Variants in ZEB2 observed in about 807,000 individuals in gnomAD.
ZEB2 encodes the protein zinc finger E-box-binding homeobox 2.
A neutral mutation model predicts 99.9 loss-of-function variants in ZEB2; 6 were observed. The ratio of observed to expected loss-of-function variants is 0.06; its 90% CI spans 0.03 to 0.12. The LOEUF is 0.12. Among genes scored for constraint, ZEB2 ranks in the 10% least tolerant of loss-of-function variants. The pLI, the probability that ZEB2 is intolerant of heterozygous loss-of-function variation, is 1.00. For synonymous variants in ZEB2, 517 were observed against 542.5 expected, an observed-to-expected ratio of 0.95 and a Z score of 0.65; for missense variants, 969 against 1,502.8, an observed-to-expected ratio of 0.64 and a Z score of 5.87.
chr2:144,466,305 T>C (rs13396535), intron 2 of ZEB2, among the ~76,000 whole-genome samples: 26,025 of 152,162 alleles, frequency 0.17, 2,424 homozygotes, highest in Admixed American at 0.27. Flanking sequence ...TCAGAGTTTC[T>C]TTTTGTTGAG....
chr2:144,473,866 T>C (rs1704394092), intron 2 of ZEB2, among the ~76,000 whole-genome samples: 1 of 152,168 alleles, frequency 6.6e-6, no homozygotes, highest in African/African-American at 2.4e-5. Context: ...GCAAGGACAT[T>C]TTCTTTAAAA....
At position 144,399,521 on chromosome 2, in the gene ZEB2, T is replaced by G; in HGVS notation, c.1666A>C (p.Lys556Gln). The G allele has an allele frequency of 6.2e-7, 1 of 1,614,210 alleles. No individual in the cohort carries two copies. Among genetic ancestry groups the G allele is most frequent in the Non-Finnish European group, 8.5e-7 (1 of 1,180,040 alleles). Residue 556 changes from lysine (K) to glutamine (Q), a missense_variant, in exon 8 of 10, where the codon AAA becomes CAA. Physicochemically the swap from Lys to Gln is moderately conservative, Grantham distance 53 (BLOSUM62 1). Around this residue, in one of 8 missense-constraint regions of ZEB2, gnomAD observed 227 missense variants for 278.2 expected, o/e 0.82. Transcript: ENST00000627532. This position sits in a 1 kb window ranked among gnomAD's most constrained non-coding sequence, Gnocchi z 5.6. The stretch of plus-strand genomic sequence containing the variant: ...TCTATTAAAGTACGTAGCTTCTCTT[T>G]CTTTATATTACTGATCTGTCTCCTT... ...DSRRQISNIKKEKLRTLIDLV... is the reference protein window; with the variant it reads ...DSRRQISNIKQEKLRTLIDLV...
At chr2:144,484,974 C>T (rs944021569) in intron 2 of ZEB2, among the ~76,000 whole-genome samples, 2 of 152,180 alleles carry the variant, frequency 1.3e-5, no homozygotes, top group Non-Finnish European at 2.9e-5. Flanking sequence ...TCCTGGGTCC[C>T]TTCACTCTTG....
intron 2 of ZEB2, among the ~76,000 whole-genome samples, chr2:144,457,044 T>A (rs1283693184): frequency 6.6e-6 from 1 of 152,134 alleles, no homozygotes; most frequent in Admixed American, 6.6e-5. Context: ...GCAAGATAAA[T>A]GCATATAGAA....
intron 2 of ZEB2, among the ~76,000 whole-genome samples, chr2:144,440,396 C>A (rs1328157648): frequency 1.3e-5 from 2 of 151,282 alleles, no homozygotes; most frequent in East Asian, 3.9e-4. Flanking sequence ...TTTAGGCCTG[C>A]TCTATACATT....
Position 144,389,616 on chromosome 2 carries a change from G to C in ZEB2, c.3480C>G (p.Phe1160Leu), listed in dbSNP as rs1280059432. 2 of 1,613,552 alleles carry C rather than the reference G, an allele frequency of 1.2e-6. No individual in the cohort carries two copies. Among genetic ancestry groups the C allele is most frequent in the Admixed American group, 1.7e-5 (1 of 59,930 alleles). The change falls in exon 10 of 10, where the codon TTC (phenylalanine) becomes TTG (leucine). Residue 1160 changes from phenylalanine (F) to leucine (L), a missense_variant. By Grantham distance (22) the Phe-to-Leu change is conservative. Coordinates refer to ENST00000627532, the MANE Select transcript of ZEB2 (RefSeq NM_014795.4). This position sits in a 1 kb window ranked among gnomAD's most constrained non-coding sequence, Gnocchi z 6.8. ...KLGRQDGDEE[F>L]EEEEEESENK... Reference sequence around the variant, plus strand: ...TTTCACTTTCTTCCTCTTCCTCCTCGAACTCCTCGTCGCCATCCTGTCTGC... The same window carrying C: ...TTTCACTTTCTTCCTCTTCCTCCTCCAACTCCTCGTCGCCATCCTGTCTGC...
chr2:144,514,961 G>A (rs923609652), intron 2 of ZEB2, among the ~76,000 whole-genome samples: 2 of 152,138 alleles, frequency 1.3e-5, no homozygotes, highest in Non-Finnish European at 2.9e-5. Context: ...CCTGCGAAGC[G>A]CCCAACGGGC....
chr2:144,439,133 G>GA (rs1174940162), intron 2 of ZEB2, among the ~76,000 whole-genome samples: 1,346 of 79,640 alleles, frequency 0.017, 7 homozygotes, highest in East Asian at 0.044. Flanking sequence ...CTGGGAGGAA[G>GA]AAAAAAAAAA....
intron 2 of ZEB2, among the ~76,000 whole-genome samples, chr2:144,434,961 T>G (rs1031113160): frequency 6.6e-6 from 1 of 152,162 alleles, no homozygotes; most frequent in African/African-American, 2.4e-5. Context: ...GAGGTTGTCA[T>G]AGGAGCCTAC....
At chr2:144,517,250 G>A in intron 2 of ZEB2, 28 bp downstream of exon 2, 1 of 1,613,128 alleles carries the variant, frequency 6.2e-7, no homozygotes, top group Non-Finnish European at 8.5e-7. Flanking sequence ...TAGTGGCCCG[G>A]AAAAGTTTGG....
chr2:144,515,241 G>A (rs1705111930), intron 2 of ZEB2, among the ~76,000 whole-genome samples: 1 of 151,910 alleles, frequency 6.6e-6, no homozygotes, highest in Admixed American at 6.6e-5. Flanking sequence ...AGGGAAAAAA[G>A]CCTCCTTGAC....
intron 4 of ZEB2, among the ~76,000 whole-genome samples, chr2:144,415,009 T>C (rs1246895265): frequency 1.3e-5 from 2 of 151,958 alleles, no homozygotes; most frequent in African/African-American, 2.4e-5. Flanking sequence ...TTTTTCTTTT[T>C]TTTTTTTAAA....
intron 2 of ZEB2, among the ~76,000 whole-genome samples, chr2:144,479,087 T>C (rs1184867575): frequency 1.3e-5 from 2 of 152,244 alleles, no homozygotes; most frequent in African/African-American, 4.8e-5. Flanking sequence ...TTCCAACTTA[T>C]ACGTGTTTTT....
intron 2 of ZEB2, among the ~76,000 whole-genome samples, chr2:144,435,347 C>T (rs542318614): frequency 1.6e-3 from 247 of 152,062 alleles, no homozygotes; most frequent in African/African-American, 5.7e-3. Flanking sequence ...GTGGCTCACA[C>T]CTGTAATCCC....
chr2:144,513,954 G>C (rs140751858), intron 2 of ZEB2: 333 of 1,413,610 alleles, frequency 2.4e-4, no homozygotes, highest in Non-Finnish European at 3.0e-4. Flanking sequence ...TCTTGTCTGC[G>C]GGCAACTCGC....
chr2:144,395,586 G>A (rs1325593566), intron 9 of ZEB2, among the ~76,000 whole-genome samples: 1 of 152,144 alleles, frequency 6.6e-6, no homozygotes, highest in Non-Finnish European at 1.5e-5. Context: ...GGGTAGGGAT[G>A]AGGTTCAGCT....
chr2:144,389,511 C>T lies in ZEB2; in HGVS notation c.3585G>A (p.Glu1195=), dbSNP rs1190449163. The T allele has an allele frequency of 1.2e-6, 2 of 1,614,152 alleles. No homozygotes were observed. The highest frequency in any genetic ancestry group is 1.7e-6 in the Non-Finnish European group (2 of 1,180,042). The change falls in exon 10 of 10, where the codon GAG becomes GAA. Residue 1195 remains glutamate, a synonymous_variant. Coordinates refer to ENST00000627532, the MANE Select transcript of ZEB2 (RefSeq NM_014795.4). This position sits in a 1 kb window ranked among gnomAD's most constrained non-coding sequence, Gnocchi z 6.8. The stretch of plus-strand genomic sequence containing the variant: ...CTGATTTGGTTTCCATTTTCCCATC[C>T]TCCGAACTATCGTCCATGGAGTGAT... ...TGDHSMDDSS[E]DGKMETKSDH...
chr2:144,472,727 GT>G (rs1399175396), intron 2 of ZEB2, among the ~76,000 whole-genome samples: 2 of 152,122 alleles, frequency 1.3e-5, no homozygotes, highest in African/African-American at 2.4e-5. Flanking sequence ...GAAAGAAAGT[GT>G]CAGAATCTGC....
intron 2 of ZEB2, chr2:144,514,057 G>A: frequency 1.7e-6 from 1 of 579,580 alleles, no homozygotes; most frequent in Non-Finnish European, 2.7e-6. Context: ...GTGGGGGAAA[G>A]GAGACTGACT....
Sources: gnomAD v4.1 joint callset for allele counts (sites outside exome capture counted in the v4.1 genomes callset) on GRCh38, gnomAD v4.1.1 for gene constraint, gnomAD v4.1.1 regional missense constraint, Gnocchi (gnomAD v3.1) non-coding constraint, MANE v1.5 for transcripts, NCBI Gene and HGNC (gene_info 2026-07-23, HGNC 2026-07-21) for gene names.